Variants in OR1S2 observed in about 807,000 individuals in gnomAD.
OR1S2 encodes olfactory receptor 1S2.
In OR1S2, 1 loss-of-function variant was observed where a neutral mutation model predicts 1.7. The observed-to-expected ratio is 0.59, with a 90% CI of 0.21 to 2.81. OR1S2 has a LOEUF of 2.81. OR1S2 is among the 30% of genes most tolerant of loss of function. OR1S2 has a pLI of 0.22. For synonymous variants in OR1S2, 157 were observed against 145.3 expected, an observed-to-expected ratio of 1.08 and a Z score of -0.58; for missense variants, 391 against 371.6, an observed-to-expected ratio of 1.05 and a Z score of -0.43.
At chr11:58,203,891 A>G in exon 1 of OR1S2, 1 of 1,614,126 alleles carries the variant, frequency 6.2e-7, no homozygotes, top group South Asian at 1.1e-5. Flanking sequence ...TGGTTTGAAT[A>G]TTCACCAGCA....
At chr11:58,203,750 G>T (rs748153056) in exon 1 of OR1S2, 18 of 1,613,840 alleles carry the variant, frequency 1.1e-5, no homozygotes, top group Non-Finnish European at 1.4e-5. Flanking sequence ...AAGTTGTATA[G>T]TTCAGAGGGT....
exon 1 of OR1S2, chr11:58,203,269 A>T (rs759947140): frequency 2.4e-5 from 39 of 1,613,940 alleles, no homozygotes; most frequent in Non-Finnish European, 3.1e-5. Context: ...TTATTCCTCA[A>T]GCTGTAGATG....
At chr11:58,204,118 T>C in exon 1 of OR1S2, 1 of 1,613,988 alleles carries the variant, frequency 6.2e-7, no homozygotes, top group South Asian at 1.1e-5. Flanking sequence ...AATTCAGTGA[T>C]GGTGGTTTGG....
chr11:58,203,469 A>G (rs1854871033), exon 1 of OR1S2: 1 of 1,614,096 alleles, frequency 6.2e-7, no homozygotes, highest in Non-Finnish European at 8.5e-7. Context: ...TACTCCCAGG[A>G]CAGCTCTGAT....
chr11:58,204,013 G>A (rs538692208), exon 1 of OR1S2: 1 of 1,614,040 alleles, frequency 6.2e-7, no homozygotes, highest in East Asian at 2.2e-5. Flanking sequence ...ACAATGATGA[G>A]CCCGTTCCCA....
In OR1S2 at chr11:58,203,406, G is replaced by T. The variant is rs545027921; in HGVS notation, c.737C>A (p.Thr246Lys). The change falls in exon 1 of 1, where the codon ACA (threonine) becomes AAA (lysine). Residue 246 changes from threonine to lysine, a missense_variant. Transcript: ENST00000641683. ...GGTTCCGTAGAACAGTAATGCAATT[G>T]TCAGGTGAGAGCCACAAGTGGAGAA... The T allele has an allele frequency of 7.4e-6, 12 of 1,614,060 alleles. No homozygotes were observed. The East Asian group carries it at 2.5e-4, about 33-fold the overall frequency.
At chr11:58,203,230 T>A in exon 1 of OR1S2, 1 of 1,610,642 alleles carries the variant, frequency 6.2e-7, no homozygotes, top group Non-Finnish European at 8.5e-7. Context: ...TTTCTATTGA[T>A]GAGCTTTCTC....
chr11:58,204,014 C>T, exon 1 of OR1S2: 2 of 1,613,966 alleles, frequency 1.2e-6, no homozygotes, highest in South Asian at 1.1e-5. Flanking sequence ...CAATGATGAG[C>T]CCGTTCCCAA....
exon 1 of OR1S2, chr11:58,203,949 T>C (rs1473385942): frequency 6.2e-7 from 1 of 1,613,970 alleles, no homozygotes; most frequent in Admixed American, 1.7e-5. Context: ...AAAGGATAGG[T>C]AGGCAAGGAA....
At chr11:58,204,114 G>C in exon 1 of OR1S2, 1 of 1,614,054 alleles carries the variant, frequency 6.2e-7, no homozygotes, top group East Asian at 2.2e-5. Context: ...AATGAATTCA[G>C]TGATGGTGGT....
rs146071306 is a variant in OR1S2, at chr11:58,203,734, G to C, written c.409C>G (p.Arg137Gly). Reference sequence around the variant, plus strand: ...GTGAGCAAAGTGCCGAACCTGGCCCGCATGAAAGTTGTATAGTTCAGAGGG... The same window carrying C: ...GTGAGCAAAGTGCCGAACCTGGCCCCCATGAAAGTTGTATAGTTCAGAGGG... The change falls in exon 1 of 1, where the codon CGG becomes GGG. Residue 137 changes from arginine (R) to glycine (G), a missense_variant. Coordinates refer to ENST00000641683, the Ensembl canonical transcript of OR1S2. 3.7e-6 allele frequency: 6 copies of C among 1,613,978 alleles called. No individual in the cohort carries two copies. The Admixed American group carries it at 6.7e-5, about 18-fold the overall frequency.
exon 1 of OR1S2, chr11:58,203,875 G>C: frequency 6.2e-7 from 1 of 1,614,126 alleles, no homozygotes; most frequent in African/African-American, 1.3e-5. Flanking sequence ...GAGATGGATT[G>C]GCTGTTGGTT....
chr11:58,204,090 G>A (rs1854883430), exon 1 of OR1S2: 1 of 1,613,862 alleles, frequency 6.2e-7, no homozygotes, highest in Non-Finnish European at 8.5e-7. Context: ...AGCCTGGTTG[G>A]AGAGTCCCAG....
At chr11:58,203,895 A>G (rs1230030055) in exon 1 of OR1S2, 1 of 1,613,982 alleles carries the variant, frequency 6.2e-7, no homozygotes, top group East Asian at 2.2e-5. Flanking sequence ...TTGAATATTC[A>G]CCAGCATTTT....
rs193921006 is a variant in OR1S2 at position 58,203,680 on chromosome 11, T to C, written c.463A>G (p.Ile155Val). The C allele has an allele frequency of 6.2e-7, 1 of 1,613,926 alleles. No homozygotes were observed. The highest frequency in any genetic ancestry group is 8.5e-7 in the Non-Finnish European group (1 of 1,179,994). The change falls in exon 1 of 1, where the codon ATT (isoleucine) becomes GTT (valine). Residue 155 changes from isoleucine to valine, a missense_variant. Coordinates refer to ENST00000641683, the Ensembl canonical transcript of OR1S2. ...AGCAGAAGGGTGTGTGTAAGAGCAA[T>C]AATATTACTGAGGAACCACGAGATG...
At chr11:58,203,650 G>C in exon 1 of OR1S2, 1 of 1,614,162 alleles carries the variant, frequency 6.2e-7, no homozygotes. Flanking sequence ...AAGAGCAATT[G>C]AATGAGCAGA....
At chr11:58,204,080 A>T (rs986234348) in exon 1 of OR1S2, 10 of 1,613,910 alleles carry the variant, frequency 6.2e-6, no homozygotes, top group Non-Finnish European at 8.5e-6. Context: ...TTTGATGTTC[A>T]GCCTGGTTGG....
exon 1 of OR1S2, chr11:58,204,034 C>CCACATA (rs1348410927): frequency 6.2e-7 from 1 of 1,614,002 alleles, no homozygotes; most frequent in Non-Finnish European, 8.5e-7. Flanking sequence ...ACCACAGTGA[C>CCACATA]CACATACATA....
chr11:58,203,962 G>T, exon 1 of OR1S2: 1 of 1,614,114 alleles, frequency 6.2e-7, no homozygotes, highest in South Asian at 1.1e-5. Context: ...GCAAGGAAGA[G>T]ATACATGGGG....
Sources: gnomAD v4.1 joint callset for allele counts on GRCh38, gnomAD v4.1.1 for gene constraint, MANE v1.5 for transcripts, NCBI Gene and HGNC (gene_info 2026-07-23, HGNC 2026-07-21) for gene names.